The following ISX variants were observed in gnomAD, a reference collection of about 807,000 sequenced individuals.
ISX encodes intestine specific homeobox.
Under a neutral mutation model 16.9 loss-of-function variants are expected in ISX, and 15 were observed. The observed-to-expected ratio is 0.89, with a 90% CI of 0.59 to 1.36. ISX has a LOEUF of 1.36. Among genes scored for constraint, ISX ranks in the 40% most tolerant of loss-of-function variants. The pLI, the probability that ISX is intolerant of heterozygous loss-of-function variation, is 0.00. For synonymous variants in ISX, 125 were observed against 119.7 expected (o/e 1.04, Z -0.29); for missense variants, 316 against 306.1 (o/e 1.03, Z -0.24).
Position 35,082,593 on chromosome 22 carries a change from A to T in ISX, c.305A>T (p.His102Leu), listed in dbSNP as rs751303700. Reference sequence around the variant, plus strand: ...CTGCATGAGCTGGAGAAGATCTTCCACTTTACCCACTACCCAGACGTTCAC... The same window carrying T: ...CTGCATGAGCTGGAGAAGATCTTCCTCTTTACCCACTACCCAGACGTTCAC... ...EQLHELEKIF[H>L]FTHYPDVHIR... Residue 102 changes from histidine (H) to leucine (L), a missense_variant, in exon 3 of 5, where the codon CAC becomes CTC. Transcript: ENST00000404699. The T allele has an allele frequency of 1.5e-4, 236 of 1,614,014 alleles. No individual in the cohort carries two copies. Among genetic ancestry groups the T allele is most frequent in the Non-Finnish European group, 1.9e-4 (225 of 1,180,018 alleles).
Position 35,086,110 on chromosome 22 carries a change from G to A in ISX, c.*417G>A. 3.5e-6 allele frequency: 1 copy of A among 282,374 alleles called. No individual in the cohort carries two copies. Among genetic ancestry groups the A allele is most frequent in the African/African-American group, 2.2e-5 (1 of 45,870 alleles). The allele number at this position is 282,374 out of a possible 1,614,324, so 17.5% of individuals were successfully genotyped here. On this transcript the variant is annotated 3_prime_UTR_variant, in exon 5 of 5. Coordinates refer to ENST00000404699, the MANE Select transcript of ISX (RefSeq NM_001303508.2). ...CTTCCATGGTGGGCACTGAGGCACA[G>A]AGGAGGCCAAGGAGAGGTTGTTTGT...
chr22:35,073,696 G>A (rs911667733), intron 2 of ISX, among the ~76,000 whole-genome samples: 3 of 152,300 alleles, frequency 2.0e-5, no homozygotes, highest in Admixed American at 1.3e-4. Flanking sequence ...GAGTAGGGTC[G>A]AAGGGAGGGC....
intron 3 of ISX, among the ~76,000 whole-genome samples, chr22:35,083,681 T>C (rs1929177018): frequency 6.6e-6 from 1 of 152,230 alleles, no homozygotes; most frequent in Non-Finnish European, 1.5e-5. Flanking sequence ...AACATTCTGT[T>C]CTTTATTCTA....
intron 2 of ISX, among the ~76,000 whole-genome samples, chr22:35,068,845 CA>C (rs1928774388): frequency 6.6e-6 from 1 of 152,212 alleles, no homozygotes; most frequent in Non-Finnish European, 1.5e-5. Context: ...ATCTCACTGT[CA>C]CACTTGGGAG....
chr22:35,085,777 A>T lies in ISX; in HGVS notation c.*84A>T, dbSNP rs1929240816. ...AGATGTGCCCTGGGCCTCTGGGGAA[A>T]TCGATTTCACAATCCAAAAATGGCC... On this transcript the variant is annotated 3_prime_UTR_variant, in exon 5 of 5. Coordinates refer to ENST00000404699, the MANE Select transcript of ISX (RefSeq NM_001303508.2). 6.4e-7 allele frequency: 1 copy of T among 1,574,290 alleles called. No homozygotes were observed. The highest frequency in any genetic ancestry group is 1.3e-5 in the African/African-American group (1 of 74,174).
intron 2 of ISX, among the ~76,000 whole-genome samples, chr22:35,068,956 A>G (rs1048684072): frequency 3.3e-5 from 5 of 152,168 alleles, no homozygotes; most frequent in African/African-American, 1.2e-4. Flanking sequence ...GCCTTAGACC[A>G]TCTACTCTAG....
chr22:35,079,474 A>C (rs1929070702), intron 2 of ISX, among the ~76,000 whole-genome samples: 1 of 152,164 alleles, frequency 6.6e-6, no homozygotes, highest in Non-Finnish European at 1.5e-5. Flanking sequence ...CCAGTTCCTC[A>C]GCTGGTCTCA....
chr22:35,084,563 C>T, intron 4 of ISX, 64 bp downstream of exon 4: 1 of 1,120,004 alleles, frequency 8.9e-7, no homozygotes, highest in Non-Finnish European at 1.3e-6. Flanking sequence ...CCCAGTCAGA[C>T]CCAGATGTGA....
At chr22:35,073,769 C>T (rs4821352) in intron 2 of ISX, among the ~76,000 whole-genome samples, 85,924 of 151,524 alleles carry the variant, frequency 0.57, 24,809 homozygotes, top group Middle Eastern at 0.65. Flanking sequence ...AAGGATACAA[C>T]TTGAGGTCTA....
At chr22:35,068,693 C>T (rs1928771249) in intron 2 of ISX, among the ~76,000 whole-genome samples, 1 of 152,164 alleles carries the variant, frequency 6.6e-6, no homozygotes, top group South Asian at 2.1e-4. Flanking sequence ...TCTTTCTAGG[C>T]CTCCACGGAA....
intron 2 of ISX, among the ~76,000 whole-genome samples, chr22:35,073,429 T>C (rs975643823): frequency 6.6e-6 from 1 of 152,208 alleles, no homozygotes; most frequent in African/African-American, 2.4e-5. Context: ...TTATTATTCA[T>C]ACTCACCATA....
At chr22:35,082,768 G>C in intron 3 of ISX, 99 bp downstream of exon 3, 2 of 1,272,944 alleles carry the variant, frequency 1.6e-6, no homozygotes, top group Non-Finnish European at 2.2e-6. Context: ...CCATCTAAAA[G>C]TTTCTGTTGG....
At position 35,084,421 on chromosome 22, in the gene ISX, G is replaced by A. The variant is rs1489614851; in HGVS notation, c.420G>A (p.Gln140=). The A allele has an allele frequency of 6.2e-7, 1 of 1,613,944 alleles. No homozygotes were observed. ...ATCAGCGAGCCAAGTGGCGGAAGCA[G>A]GAGAAGATTGGCAACCTGGGGGCTC... ...FQNQRAKWRK[Q]EKIGNLGAPQ... Residue 140 remains glutamine, a synonymous_variant, in exon 4 of 5, where the codon CAG becomes CAA. Coordinates refer to ENST00000404699, the MANE Select transcript of ISX (RefSeq NM_001303508.2).
At chr22:35,079,647 C>T (rs183748753) in intron 2 of ISX, among the ~76,000 whole-genome samples, 16 of 152,158 alleles carry the variant, frequency 1.1e-4, no homozygotes, top group Admixed American at 6.5e-4. Context: ...TACCTCGGTT[C>T]TTAATTATTT....
chr22:35,084,359 C>G (rs1205759097), intron 3 of ISX, 24 bp from the exon 4 acceptor site: 1 of 1,540,094 alleles, frequency 6.5e-7, no homozygotes, highest in Admixed American at 1.7e-5. Context: ...CTTGCTTATC[C>G]CCGTCCTTTC....
intron 2 of ISX, among the ~76,000 whole-genome samples, chr22:35,072,017 C>T (rs1307600395): frequency 6.6e-6 from 1 of 152,218 alleles, no homozygotes; most frequent in Non-Finnish European, 1.5e-5. Flanking sequence ...CTGGCTCTTA[C>T]CCAGGTAGAC....
chr22:35,078,504 G>C (rs902346027), intron 2 of ISX, among the ~76,000 whole-genome samples: 1 of 152,122 alleles, frequency 6.6e-6, no homozygotes, highest in African/African-American at 2.4e-5. Flanking sequence ...TGTGGACTTA[G>C]GGAGGGAAGG....
chr22:35,067,828 TCCAGGGGCTGAAGCTTTGC>T (rs1928742828), intron 2 of ISX, among the ~76,000 whole-genome samples: 1 of 152,138 alleles, frequency 6.6e-6, no homozygotes, highest in Admixed American at 6.5e-5. Flanking sequence ...CTGCACAACT[TCCAGGGGCTGAAGCTTTGC>T]CCAGGGGCCG....
intron 2 of ISX, among the ~76,000 whole-genome samples, chr22:35,072,438 A>G (rs1228026591): frequency 6.6e-6 from 1 of 152,238 alleles, no homozygotes; most frequent in African/African-American, 2.4e-5. Flanking sequence ...CCCTATGAGT[A>G]ACTGAAGCTC....
Sources: allele counts gnomAD v4.1 joint callset (sites outside exome capture counted in the v4.1 genomes callset), GRCh38; gene constraint gnomAD v4.1.1; transcripts MANE v1.5; gene names NCBI Gene and HGNC (gene_info 2026-07-23, HGNC 2026-07-21).